DNAH17: variants seen among roughly 807,000 people sequenced by gnomAD.
DNAH17 encodes the protein axonemal beta dynein heavy chain 17.
Under a neutral mutation model 485.6 loss-of-function variants are expected in DNAH17, and 376 were observed. The ratio of observed to expected loss-of-function variants is 0.77; its 90% confidence interval spans 0.71 to 0.84. The LOEUF (loss-of-function observed/expected upper bound fraction) is 0.84. Among genes scored for constraint, DNAH17 ranks in the 40% least tolerant of loss-of-function variants. DNAH17 has a pLI of 0.00. For missense variants in DNAH17, 6,370 were observed against 5,839.3 expected, an observed-to-expected ratio of 1.09 and a Z score of -2.96; for synonymous variants, 3,031 against 2,405.9, an observed-to-expected ratio of 1.26 and a Z score of -7.60.
intron 9 of DNAH17, among the ~76,000 whole-genome samples, chr17:78,567,620 G>A (rs1375575910): frequency 6.6e-6 from 1 of 152,152 alleles, no homozygotes; most frequent in East Asian, 1.9e-4. Flanking sequence ...TGTCCCGAAG[G>A]TGATCCAAGA....
At chr17:78,432,646 C>T (rs75466329) in intron 75 of DNAH17, among the ~76,000 whole-genome samples, 3,216 of 152,338 alleles carry the variant, frequency 0.021, 116 homozygotes, top group African/African-American at 0.073. Context: ...TCAGAGGTCA[C>T]CTCCTGGGGG....
At chr17:78,541,958 G>A (rs1031083304) in intron 17 of DNAH17, among the ~76,000 whole-genome samples, 3 of 152,070 alleles carry the variant, frequency 2.0e-5, no homozygotes, top group Non-Finnish European at 4.4e-5. Context: ...CTCTGGTTCA[G>A]TCAAGTCACT....
At chr17:78,447,008 G>T (rs1332289230) in intron 69 of DNAH17, among the ~76,000 whole-genome samples, 1 of 152,050 alleles carries the variant, frequency 6.6e-6, no homozygotes, top group Non-Finnish European at 1.5e-5. Context: ...CTGTGATCAT[G>T]GCTCACTGCA....
intron 38 of DNAH17, 68 bp downstream of exon 38, chr17:78,495,793 CTCTGCCCACTCCTT>C (rs1053724089): frequency 3.6e-5 from 55 of 1,519,326 alleles, no homozygotes; most frequent in Middle Eastern, 2.1e-4. Context: ...TGCCCCTCCC[CTCTGCCCACTCCTT>C]GGCACTGGGA....
chr17:78,529,803 C>G, intron 21 of DNAH17, 109 bp from the exon 22 acceptor site: 1 of 1,120,854 alleles, frequency 8.9e-7, no homozygotes. Context: ...AACTGGCCAT[C>G]ACTGAAGGCC....
At chr17:78,444,148 G>A (rs7225090) in intron 71 of DNAH17, among the ~76,000 whole-genome samples, 3,068 of 152,272 alleles carry the variant, frequency 0.02, 114 homozygotes, top group African/African-American at 0.069. Context: ...GAATGCTGAT[G>A]GGTTTGCCAT....
At chr17:78,454,906 C>T (rs1178050945) in intron 63 of DNAH17, among the ~76,000 whole-genome samples, 3 of 151,254 alleles carry the variant, frequency 2.0e-5, no homozygotes, top group East Asian at 1.9e-4. Context: ...ACAGCAACAC[C>T]GGGCCACGTT....
chr17:78,439,920 T>C (rs1485478096), intron 72 of DNAH17, among the ~76,000 whole-genome samples: 1 of 152,196 alleles, frequency 6.6e-6, no homozygotes, highest in East Asian at 1.9e-4. Flanking sequence ...TCCACCTGCC[T>C]TGGCCTCCCA....
chr17:78,537,066 T>C (rs1318633944), intron 19 of DNAH17, among the ~76,000 whole-genome samples: 1 of 151,124 alleles, frequency 6.6e-6, no homozygotes, highest in East Asian at 2.0e-4. Context: ...TAATCCCAGC[T>C]ACTCGGGACG....
intron 69 of DNAH17, among the ~76,000 whole-genome samples, chr17:78,446,970 G>A (rs1262401480): frequency 3.3e-5 from 5 of 151,926 alleles, no homozygotes; most frequent in African/African-American, 4.8e-5. Flanking sequence ...ACAGGGTGTT[G>A]CTCTGTTGCC....
rs762812539 is a variant in DNAH17 at position 78,492,781 on chromosome 17, G to T, written c.6409-16C>A. 2 of 1,608,656 alleles carry T rather than the reference G, an allele frequency of 1.2e-6. No homozygotes were observed. The highest frequency in any genetic ancestry group is 1.7e-6 in the Non-Finnish European group (2 of 1,177,524). On this transcript the variant is annotated splice_polypyrimidine_tract_variant and intron_variant, in intron 41 of 80. Coordinates refer to ENST00000389840, the MANE Select transcript of DNAH17 (RefSeq NM_173628.4). ...ATTTGAGGACCTGGCGAAGGTGGGGGTCACTCACGTGTGACTCCATGTTCC... is the reference window on the plus strand; with the variant it reads ...ATTTGAGGACCTGGCGAAGGTGGGGTTCACTCACGTGTGACTCCATGTTCC...
In DNAH17 at chr17:78,485,644, C is replaced by T. The variant is rs746976750; in HGVS notation, c.7389G>A (p.Val2463=). Residue 2463 remains valine, a synonymous_variant, in exon 47 of 81, where the codon GTG becomes GTA. Transcript: ENST00000389840. ...GGCTTTCCAGCTTGTCCCCCATCAG[C>T]ACCGACTTGCCCGTCCCCGCGTTCC... ...LVGNAGTGKS[V]LMGDKLESLN... is the part of the protein sequence containing the mutation. 3.1e-6 allele frequency: 5 copies of T among 1,613,922 alleles called. No homozygotes were observed. The highest frequency in any genetic ancestry group is 1.1e-5 in the South Asian group (1 of 91,074).
Position 78,463,073 on chromosome 17 carries a change from TC to T in DNAH17, c.8944del (p.Glu2982LysfsTer68), listed in dbSNP as rs779807111. Reference sequence around the variant, plus strand: ...GAAGAAGCTGATGGAGGCCTTGACTTCCCACTACAAAGATGAGACAGCCAGT... The same window carrying T: ...GAAGAAGCTGATGGAGGCCTTGACTTCCACTACAAAGATGAGACAGCCAGT... Reference protein sequence around the residue: ...FLEETEGIPWEVKASISFFMS... With the variant: ...FLEETEGIPWXVKASISFFMS... On this transcript the variant is annotated frameshift_variant, in exon 57 of 81. Coordinates refer to ENST00000389840, the MANE Select transcript of DNAH17 (RefSeq NM_173628.4). LOFTEE classifies it high-confidence loss of function. 6.2e-7 allele frequency: 1 copy of T among 1,613,646 alleles called. No individual in the cohort carries two copies. The highest frequency in any genetic ancestry group is 8.5e-7 in the Non-Finnish European group (1 of 1,179,718).
intron 14 of DNAH17, among the ~76,000 whole-genome samples, chr17:78,554,784 C>T (rs1166334017): frequency 2.6e-5 from 4 of 152,106 alleles, no homozygotes; most frequent in Non-Finnish European, 5.9e-5. Flanking sequence ...TCTCGCTCTG[C>T]CACCCAGGCT....
In DNAH17 at chr17:78,486,406, G is replaced by A. The variant is rs779251038; in HGVS notation, c.6919C>T (p.Arg2307Cys). 2.5e-6 allele frequency: 4 copies of A among 1,613,842 alleles called. No homozygotes were observed. The highest frequency in any genetic ancestry group is 1.1e-5 in the South Asian group (1 of 91,084). ...KYLPTCLDKL[R>C]FGFKKITPVP... The stretch of plus-strand genomic sequence containing the variant: ...GGCGTGATCTTCTTGAACCCAAAGC[G>A]CAACTTGTCCAGGCACGTGGGCAGG... The change falls in exon 45 of 81, where the codon CGC becomes TGC. Residue 2307 changes from arginine (R) to cysteine (C), a missense_variant. Physicochemically the swap from Arg to Cys is radical, Grantham distance 180 (BLOSUM62 -3). Transcript: ENST00000389840.
At chr17:78,553,022 A>AC (rs2091937651) in intron 14 of DNAH17, among the ~76,000 whole-genome samples, 2 of 151,822 alleles carry the variant, frequency 1.3e-5, no homozygotes, top group Admixed American at 6.6e-5. Context: ...GTGTAGCATC[A>AC]CCCCCCGATG....
chr17:78,482,152 G>A (rs1472435917), intron 48 of DNAH17, among the ~76,000 whole-genome samples: 7 of 137,228 alleles, frequency 5.1e-5, no homozygotes, highest in African/African-American at 1.1e-4. Flanking sequence ...CACAGCTCAC[G>A]GCAGCCTCTA....
intron 18 of DNAH17, among the ~76,000 whole-genome samples, chr17:78,538,848 C>G (rs2091448308): frequency 6.6e-6 from 1 of 152,218 alleles, no homozygotes; most frequent in Non-Finnish European, 1.5e-5. Context: ...GGGCACGACA[C>G]TGCCACGTTC....
At chr17:78,507,964 C>A (rs543285001) in intron 27 of DNAH17, among the ~76,000 whole-genome samples, 159 bp from the exon 28 acceptor site, 2 of 152,286 alleles carry the variant, frequency 1.3e-5, no homozygotes, top group South Asian at 2.1e-4. Context: ...CCAACCCGAA[C>A]CTTCATCCCC....
Sources: gnomAD v4.1 joint callset for allele counts (sites outside exome capture counted in the v4.1 genomes callset) on GRCh38, gnomAD v4.1.1 for gene constraint, MANE v1.5 for transcripts, NCBI Gene and HGNC (gene_info 2026-07-23, HGNC 2026-07-21) for gene names.